ADGRB3: variants seen among roughly 807,000 people sequenced by gnomAD.
ADGRB3 encodes brain-specific angiogenesis inhibitor 3.
ADGRB3 carries 37 observed loss-of-function variants against 193.4 expected under a neutral mutation model. The ratio of observed to expected loss-of-function variants is 0.19; its 90% confidence interval spans 0.15 to 0.25. The LOEUF (loss-of-function observed/expected upper bound fraction) is 0.25, where lower values mean the gene tolerates loss of function less well. ADGRB3 is among the 10% of genes least tolerant of loss of function. ADGRB3 has a pLI of 1.00. For missense variants in ADGRB3, 1,637 were observed against 1,852.9 expected (o/e 0.88, Z 2.14); for synonymous variants, 690 against 644.2 (o/e 1.07, Z -1.08).
intron 19 of ADGRB3, among the ~76,000 whole-genome samples, chr6:69,236,828 A>G (rs1269721188): frequency 2.0e-5 from 3 of 152,008 alleles, no homozygotes; most frequent in Non-Finnish European, 4.4e-5. Flanking sequence ...GAAAGTCACT[A>G]CTACAATAGT....
rs1294529880 is a variant in ADGRB3, at chr6:69,324,966, T to C, written c.2909T>C (p.Val970Ala). The C allele has an allele frequency of 1.2e-6, 2 of 1,613,910 alleles. No individual in the cohort carries two copies. Among genetic ancestry groups the C allele is most frequent in the Non-Finnish European group, 1.7e-6 (2 of 1,179,882 alleles). The part of the protein sequence containing the change: ...LTEAWQSYMA[V>A]TGKIRTRLIR... ...GAGGCGTGGCAATCATATATGGCTG[T>C]AACTGGAAAAATTAGGACACGGCTT... is the stretch of plus-strand genomic sequence containing the variant. The change falls in exon 21 of 32, where the codon GTA becomes GCA. Residue 970 changes from valine (V) to alanine (A), a missense_variant. Physicochemically the swap from Val to Ala is moderately conservative, Grantham distance 64. Transcript: ENST00000370598.
At chr6:69,277,020 G>A (rs1425026139) in intron 20 of ADGRB3, among the ~76,000 whole-genome samples, 7 of 137,672 alleles carry the variant, frequency 5.1e-5, no homozygotes, top group Non-Finnish European at 9.2e-5. Flanking sequence ...TTTTTTAGAT[G>A]GAGTCTCGCT....
In ADGRB3 at chr6:69,005,911, A is replaced by G. The variant is rs572654942; in HGVS notation, c.1930-8127A>G. Among the ~76,000 whole-genome samples, 36 of 152,238 alleles carry G rather than the reference A, an allele frequency of 2.4e-4. No individual in the cohort carries two copies. The South Asian group carries it at 5.4e-3, about 23-fold the overall frequency. ...AACCTGCTAGATGGCATCCTGTATT[A>G]TAATATTCTGCCTTTCTGAATCCTT... On this transcript the variant is annotated intron_variant, in intron 11 of 31. Transcript: ENST00000370598.
intron 17 of ADGRB3, among the ~76,000 whole-genome samples, chr6:69,168,617 C>G (rs531040766): frequency 6.6e-6 from 1 of 151,866 alleles, no homozygotes; most frequent in Non-Finnish European, 1.5e-5. Context: ...CTGATTATGG[C>G]TTATAGTGGG....
intron 17 of ADGRB3, among the ~76,000 whole-genome samples, chr6:69,082,604 A>G (rs1039120351): frequency 3.3e-5 from 5 of 151,984 alleles, no homozygotes; most frequent in African/African-American, 7.2e-5. Flanking sequence ...TTTTATTTCT[A>G]GAGTTTCCAT....
At chr6:68,897,582 A>AGGG (rs1554216273) in intron 3 of ADGRB3, among the ~76,000 whole-genome samples, 37 of 53,512 alleles carry the variant, frequency 6.9e-4, no homozygotes, top group African/African-American at 3.3e-3. Flanking sequence ...AGAAAGAAGG[A>AGGG]AGGGAGGGAT....
chr6:68,676,468 A>T (rs1769094887), intron 3 of ADGRB3, among the ~76,000 whole-genome samples: 1 of 152,130 alleles, frequency 6.6e-6, no homozygotes, highest in African/African-American at 2.4e-5. Flanking sequence ...TTGTTTCTTA[A>T]ACGAAAGCCT....
At chr6:69,029,628 T>C (rs1770563466) in intron 13 of ADGRB3, among the ~76,000 whole-genome samples, 1 of 152,176 alleles carries the variant, frequency 6.6e-6, no homozygotes, top group South Asian at 2.1e-4. Flanking sequence ...CTGCTGTAGC[T>C]GTACAATGTA....
rs1164496345 is a variant in ADGRB3 at position 68,932,962 on chromosome 6, GA to G, written c.868+2294del. ...TGTAATTAAAAGCAATCTTTCTACA[GA>G]GTGATAAAGTGAGTGTGACTTTTTT... On this transcript the variant is annotated intron_variant, in intron 4 of 31. Coordinates refer to ENST00000370598, the MANE Select transcript of ADGRB3 (RefSeq NM_001704.3). Among the ~76,000 whole-genome samples, 9 of 150,086 alleles carry G rather than the reference GA, an allele frequency of 6.0e-5. 2 individuals are homozygous for G. Among genetic ancestry groups the G allele is most frequent in the Admixed American group, 2.0e-4 (3 of 14,984 alleles).
chr6:68,678,195 A>G (rs1764802533), intron 3 of ADGRB3, among the ~76,000 whole-genome samples: 1 of 152,048 alleles, frequency 6.6e-6, no homozygotes, highest in South Asian at 2.1e-4. Flanking sequence ...CCAAGGAGAG[A>G]CTCTGTCTCA....
At chr6:69,136,487 A>G (rs575614320) in intron 17 of ADGRB3, among the ~76,000 whole-genome samples, 226 of 152,270 alleles carry the variant, frequency 1.5e-3, no homozygotes, top group African/African-American at 5.4e-3. Flanking sequence ...ACATCCTACT[A>G]CACTGAAGAG....
chr6:68,766,037 C>T (rs185782420), intron 3 of ADGRB3, among the ~76,000 whole-genome samples: 5 of 151,994 alleles, frequency 3.3e-5, no homozygotes, highest in African/African-American at 7.2e-5. Flanking sequence ...TCACATTTTT[C>T]GTATCATGCG....
At chr6:69,121,353 CAGA>C (rs1304936227) in intron 17 of ADGRB3, among the ~76,000 whole-genome samples, 1 of 152,216 alleles carries the variant, frequency 6.6e-6, no homozygotes, top group African/African-American at 2.4e-5. Context: ...CATCCCAAAG[CAGA>C]AGAATTTTTC....
intron 3 of ADGRB3, among the ~76,000 whole-genome samples, chr6:68,761,544 T>C (rs988018568): frequency 6.6e-6 from 1 of 151,408 alleles, no homozygotes; most frequent in African/African-American, 2.4e-5. Context: ...GCTTGCTTGG[T>C]TGACTTCAGT....
At chr6:68,798,580 G>C (rs913527341) in intron 3 of ADGRB3, among the ~76,000 whole-genome samples, 1 of 152,094 alleles carries the variant, frequency 6.6e-6, no homozygotes, top group Non-Finnish European at 1.5e-5. Context: ...AATACCTAAT[G>C]TAGGTGACAG....
intron 10 of ADGRB3, among the ~76,000 whole-genome samples, chr6:68,983,308 G>A (rs1768979991): frequency 6.6e-6 from 1 of 151,708 alleles, no homozygotes; most frequent in South Asian, 2.1e-4. Context: ...TGCCTTTAGT[G>A]TGGCTTGGAG....
At chr6:68,882,809 G>C (rs1025598948) in intron 3 of ADGRB3, among the ~76,000 whole-genome samples, 2 of 152,044 alleles carry the variant, frequency 1.3e-5, no homozygotes, top group Admixed American at 1.3e-4. Context: ...ATATGAAAGA[G>C]TCCCTTAATG....
At chr6:68,798,111 A>T (rs1178611759) in intron 3 of ADGRB3, among the ~76,000 whole-genome samples, 1 of 152,172 alleles carries the variant, frequency 6.6e-6, no homozygotes, top group African/African-American at 2.4e-5. Context: ...CCTCAGCAAT[A>T]AAATTATTTT....
intron 3 of ADGRB3, among the ~76,000 whole-genome samples, chr6:68,772,897 ATATAT>A (rs1766662609): frequency 5.7e-4 from 7 of 12,338 alleles, no homozygotes; most frequent in South Asian, 4.4e-3. Context: ...AAAAAAAAAT[ATATAT>A]ATATATATAT....
Sources: gnomAD v4.1 joint callset for allele counts (sites outside exome capture counted in the v4.1 genomes callset) on GRCh38, gnomAD v4.1.1 for gene constraint, MANE v1.5 for transcripts, NCBI Gene and HGNC (gene_info 2026-07-23, HGNC 2026-07-21) for gene names.